The following FBRSL1 variants were observed in gnomAD, a reference collection of about 807,000 sequenced individuals.
FBRSL1 encodes fibrosin-1-like protein.
FBRSL1 carries 51 observed loss-of-function variants against 89.6 expected under a neutral mutation model. That is an observed-to-expected ratio of 0.57 (90% CI 0.45 to 0.72). The LOEUF is 0.72. FBRSL1 is among the 30% of genes least tolerant of loss of function. The pLI, the probability that FBRSL1 is intolerant of heterozygous loss-of-function variation, is 0.00. For missense variants in FBRSL1, 1,618 were observed against 1,451.8 expected (o/e 1.11, Z -1.86); for synonymous variants, 779 against 681.1 (o/e 1.14, Z -2.24).
intron 4 of FBRSL1, among the ~76,000 whole-genome samples, chr12:132,542,590 G>A (rs889279914): frequency 6.6e-6 from 1 of 152,206 alleles, no homozygotes; most frequent in Non-Finnish European, 1.5e-5. Flanking sequence ...GGCCCAGACA[G>A]CTCTCCTGGA....
chr12:132,490,286 G>T lies in FBRSL1; in HGVS notation c.-285G>T. On this transcript the variant is annotated 5_prime_UTR_variant, in exon 1 of 19. Coordinates refer to ENST00000680143, the MANE Select transcript of FBRSL1 (RefSeq NM_001367871.1). ...GCCCGATCGCCGCGCCGCGCGCATGGGGCGCGCCCCCGGGGGGGCGGCCGA... is the reference window on the plus strand; with the variant it reads ...GCCCGATCGCCGCGCCGCGCGCATGTGGCGCGCCCCCGGGGGGGCGGCCGA... 7.0e-6 allele frequency: 1 copy of T among 142,844 alleles called. No homozygotes were observed. Among genetic ancestry groups the T allele is most frequent in the South Asian group, 2.1e-4 (1 of 4,832 alleles). The allele number at this position is 142,844 out of a possible 1,614,324, so 8.8% of individuals were successfully genotyped here.
rs1332334483 is a variant in FBRSL1, at chr12:132,581,232, C to T, written c.1835-207C>T. ...CCTTGGGGTCCCAGGATGGCTGCCA[C>T]TGCGGCTCCAAGTCAAACCTCCTCC... On this transcript the variant is annotated intron_variant, in intron 15 of 18. Transcript: ENST00000680143. 5.1e-6 allele frequency: 5 copies of T among 983,618 alleles called. No individual in the cohort carries two copies. The Admixed American group carries it at 3.1e-4, about 61-fold the overall frequency. 60.9% of individuals were successfully genotyped at this position (983,618 alleles called of 1,614,324 possible).
chr12:132,552,031 G>A, intron 5 of FBRSL1: 1 of 246,016 alleles, frequency 4.1e-6, no homozygotes, highest in South Asian at 5.3e-5. Flanking sequence ...GGCAGGGCTG[G>A]GGGACAGTGG....
At chr12:132,523,737 C>T (rs2035557489) in intron 2 of FBRSL1, among the ~76,000 whole-genome samples, 1 of 152,210 alleles carries the variant, frequency 6.6e-6, no homozygotes, top group African/African-American at 2.4e-5. Context: ...GGTCAGACTC[C>T]CCAGGGGGCC....
chr12:132,494,644 T>A (rs1263046273), intron 1 of FBRSL1, among the ~76,000 whole-genome samples: 1 of 152,242 alleles, frequency 6.6e-6, no homozygotes, highest in Non-Finnish European at 1.5e-5. Context: ...GTGTCTGTGA[T>A]TTTTGGTTAA....
rs143249089 is a variant in FBRSL1, at chr12:132,512,518, G to T, written c.489+4168G>T. On this transcript the variant is annotated intron_variant, in intron 2 of 18. Coordinates refer to ENST00000680143, the MANE Select transcript of FBRSL1 (RefSeq NM_001367871.1). Reference sequence around the variant, plus strand: ...CTCAGAGTCACCCACACAAGCCATTGCCCCGCAGAGGGGCTGAAGTTGCCT... The same window carrying T: ...CTCAGAGTCACCCACACAAGCCATTTCCCCGCAGAGGGGCTGAAGTTGCCT... Among the ~76,000 whole-genome samples the T allele has an allele frequency of 1.0e-3, 158 of 152,356 alleles. 1 individual carries two copies. The highest frequency in any genetic ancestry group is 1.7e-3 in the Non-Finnish European group (117 of 68,030).
At chr12:132,528,657 G>A in intron 4 of FBRSL1, among the ~76,000 whole-genome samples, 1 of 152,182 alleles carries the variant, frequency 6.6e-6, no homozygotes, top group Admixed American at 6.5e-5. Flanking sequence ...AGTGTGTGCT[G>A]TGCCTCCCCG....
intron 1 of FBRSL1, among the ~76,000 whole-genome samples, chr12:132,491,634 A>G (rs753745935): frequency 1.4e-4 from 22 of 152,156 alleles, no homozygotes; most frequent in South Asian, 2.1e-4. Context: ...GAATCACCCC[A>G]TTTCCAACCC....
At chr12:132,574,268 ACT>A in intron 12 of FBRSL1, 49 bp from the exon 13 acceptor site, 1 of 1,480,130 alleles carries the variant, frequency 6.8e-7, no homozygotes, top group Non-Finnish European at 9.0e-7. Flanking sequence ...CACCCCCAGG[ACT>A]CAGCCTCCTG....
chr12:132,566,026 G>C (rs76847803), intron 5 of FBRSL1: 6 of 152,156 alleles, frequency 3.9e-5, no homozygotes, highest in African/African-American at 1.4e-4. Context: ...AATTGTAAGC[G>C]TTAGACGGTG....
At chr12:132,494,187 T>A (rs1301354134) in intron 1 of FBRSL1, among the ~76,000 whole-genome samples, 1 of 152,188 alleles carries the variant, frequency 6.6e-6, no homozygotes, top group Non-Finnish European at 1.5e-5. Flanking sequence ...GGAACGTGGC[T>A]CTTGCTGTCC....
rs117883396 is a variant in FBRSL1, at chr12:132,536,255, C to T, written c.615+8267C>T. ...GTGTGAGTGCACATGTACATGACCT[C>T]GTGCCATGTGTACATGATGGTGTGT... On this transcript the variant is annotated intron_variant, in intron 4 of 18. Transcript: ENST00000680143. Among the ~76,000 whole-genome samples the T allele has an allele frequency of 4.0e-4, 58 of 146,746 alleles. 2 individuals are homozygous for T. In the East Asian group the frequency reaches 6.2e-3, roughly 16 times the overall value.
At chr12:132,509,488 G>T in intron 2 of FBRSL1, 4 of 1,237,792 alleles carry the variant, frequency 3.2e-6, no homozygotes, top group Non-Finnish European at 4.0e-6. Context: ...CAGCGGTCAC[G>T]CCCGGCCCAG....
chr12:132,495,898 C>T (rs1292785963), intron 1 of FBRSL1, among the ~76,000 whole-genome samples: 1 of 152,274 alleles, frequency 6.6e-6, no homozygotes, highest in East Asian at 1.9e-4. Flanking sequence ...AAGGGTTCCA[C>T]GTCCTCTGCC....
intron 11 of FBRSL1, 92 bp from the exon 12 acceptor site, chr12:132,573,998 G>T: frequency 1.1e-6 from 1 of 881,882 alleles, no homozygotes; most frequent in Non-Finnish European, 1.4e-6. Flanking sequence ...AGGCAAAGCA[G>T]GGCACAGGCC....
chr12:132,535,520 C>T (rs1004312197), intron 4 of FBRSL1, among the ~76,000 whole-genome samples: 5 of 152,238 alleles, frequency 3.3e-5, no homozygotes, highest in Admixed American at 6.5e-5. Context: ...GGAGCTGATC[C>T]GCAGGTGTGT....
chr12:132,508,878 C>T (rs898803132), intron 2 of FBRSL1, among the ~76,000 whole-genome samples: 1 of 152,192 alleles, frequency 6.6e-6, no homozygotes, highest in Non-Finnish European at 1.5e-5. Context: ...CTGCCCTGCC[C>T]AGGGGCCTCC....
In FBRSL1 at chr12:132,581,490, G is replaced by C. The variant is rs1274787495; in HGVS notation, c.1886G>C (p.Ser629Thr). The change falls in exon 16 of 19, where the codon AGC becomes ACC. Residue 629 changes from serine (S) to threonine (T), a missense_variant. By Grantham distance (58) the Ser-to-Thr change is moderately conservative. Transcript: ENST00000680143. ...TTTGGACCCTCAGCCCATCCTGGCA[G>C]CTTCCTGCCCACTGGCCCCCTGACA... ...NPFGPSAHPG[S>T]FLPTGPLTDP... The C allele has an allele frequency of 1.3e-6, 2 of 1,551,106 alleles. No individual in the cohort carries two copies. The highest frequency in any genetic ancestry group is 3.9e-5 in the Admixed American group (2 of 50,996).
chr12:132,561,625 C>T (rs980085085), intron 5 of FBRSL1, among the ~76,000 whole-genome samples: 1 of 152,066 alleles, frequency 6.6e-6, no homozygotes, highest in African/African-American at 2.4e-5. Flanking sequence ...AGAGTCCTGG[C>T]GGCGTGGTGG....
Sources: gnomAD v4.1 joint callset for allele counts (sites outside exome capture counted in the v4.1 genomes callset) on GRCh38, gnomAD v4.1.1 for gene constraint, MANE v1.5 for transcripts, NCBI Gene and HGNC (gene_info 2026-07-23, HGNC 2026-07-21) for gene names.